The following LYRM4 variants were observed in gnomAD, a reference collection of about 807,000 sequenced individuals.
The protein encoded by LYRM4 is LYR motif-containing protein 4.
Under a neutral mutation model 11.7 loss-of-function variants are expected in LYRM4, and 9 were observed. That is an observed-to-expected ratio of 0.77 (90% CI 0.46 to 1.34). The LOEUF is 1.34. LYRM4 is among the 40% of genes most tolerant of loss of function. The pLI is 0.00. For missense variants in LYRM4, 133 were observed against 112.5 expected (o/e 1.18, Z -0.82); for synonymous variants, 42 against 40.4 (o/e 1.04, Z -0.15).
the LYRM4 span, among the ~76,000 whole-genome samples, chr6:5,047,784 C>T: frequency 8.3e-4 from 126 of 152,236 alleles, no homozygotes; most frequent in African/African-American, 2.8e-3. Context: ...AACACCAATA[C>T]GGTATTAGTG....
At chr6:5,065,174 A>T in the LYRM4 span, among the ~76,000 whole-genome samples, 1 of 151,980 alleles carries the variant, frequency 6.6e-6, no homozygotes, top group Non-Finnish European at 1.5e-5. Context: ...AGTGTTCTCC[A>T]TGTCTTTTTG....
chr6:5,150,300 C>A lies in LYRM4; in HGVS notation c.208-40809G>T, dbSNP rs529481490. Among the ~76,000 whole-genome samples, 15 of 152,322 alleles carry A rather than the reference C, an allele frequency of 9.8e-5. No homozygotes were observed. The South Asian group carries it at 2.9e-3, about 29-fold the overall frequency. On this transcript the variant is annotated intron_variant, in intron 2 of 2. Coordinates refer to ENST00000330636, the MANE Select transcript of LYRM4 (RefSeq NM_020408.6). The stretch of plus-strand genomic sequence containing the variant: ...AAACCAACCATATCTGCCCTCCTTG[C>A]AATTTTTTCTTCTTTTGGATTCTGA...
At chr6:5,132,045 G>T (rs886190759) in intron 2 of LYRM4, among the ~76,000 whole-genome samples, 6 of 152,144 alleles carry the variant, frequency 3.9e-5, no homozygotes, top group African/African-American at 1.2e-4. Context: ...AAGTTTTCAT[G>T]ATCGTACCCA....
intron 2 of LYRM4, among the ~76,000 whole-genome samples, chr6:5,156,659 T>C (rs1411137340): frequency 3.4e-5 from 5 of 147,844 alleles, no homozygotes; most frequent in Non-Finnish European, 7.4e-5. Flanking sequence ...ATTAGAATAA[T>C]GCCCTGTCTC....
chr6:5,240,064 G>A (rs1353610594), intron 1 of LYRM4, among the ~76,000 whole-genome samples: 1 of 152,118 alleles, frequency 6.6e-6, no homozygotes, highest in Non-Finnish European at 1.5e-5. Context: ...GGCAAAATAA[G>A]ACTCAAAACA....
chr6:5,071,244 C>G, the LYRM4 span, among the ~76,000 whole-genome samples: 1 of 151,966 alleles, frequency 6.6e-6, no homozygotes. Flanking sequence ...CCTATCGTTC[C>G]ATTTTCCCTC....
intron 1 of LYRM4, chr6:5,236,187 G>T (rs1763527769): frequency 6.6e-6 from 1 of 152,236 alleles, no homozygotes; most frequent in African/African-American, 2.4e-5. Context: ...GCATTAGGCT[G>T]TGTGTGGTGG....
the LYRM4 span, among the ~76,000 whole-genome samples, chr6:5,057,435 G>A: frequency 3.3e-5 from 5 of 151,654 alleles, no homozygotes; most frequent in South Asian, 6.3e-4. Context: ...CCCTCATTCC[G>A]GCTGGGCGTG....
chr6:5,082,303 C>T, the LYRM4 span, among the ~76,000 whole-genome samples: 1 of 152,118 alleles, frequency 6.6e-6, no homozygotes, highest in East Asian at 1.9e-4. Flanking sequence ...TTATTGGACA[C>T]CCTGTTGGAG....
chr6:5,134,879 T>C (rs1470377396), intron 2 of LYRM4, among the ~76,000 whole-genome samples: 1 of 152,200 alleles, frequency 6.6e-6, no homozygotes, highest in Non-Finnish European at 1.5e-5. Context: ...TCCTCTCCCT[T>C]GGTAACGGCA....
chr6:5,059,489 C>G, the LYRM4 span, among the ~76,000 whole-genome samples: 2 of 152,062 alleles, frequency 1.3e-5, no homozygotes, highest in Non-Finnish European at 2.9e-5. Flanking sequence ...TCATATCCGC[C>G]CAAGAACAGC....
chr6:5,232,268 A>T (rs1763286941), intron 1 of LYRM4, among the ~76,000 whole-genome samples: 1 of 152,240 alleles, frequency 6.6e-6, no homozygotes, highest in African/African-American at 2.4e-5. Flanking sequence ...GAACCTGGTC[A>T]TCCCTATAAC....
rs1201430913 is a variant in LYRM4, at chr6:5,245,138, ATATATATATATATATATATATATAT to A, written c.86+15485_86+15509del. ...AATATATATATATATATATATATAT[ATATATATATATATATATATATATAT>A]AAAATAGGTGAATTTCTGGAACAAA... is the stretch of plus-strand genomic sequence containing the variant. On this transcript the variant is annotated intron_variant, in intron 1 of 2. Coordinates refer to ENST00000330636, the MANE Select transcript of LYRM4 (RefSeq NM_020408.6). Among the ~76,000 whole-genome samples, 47 of 93,804 alleles carry A rather than the reference ATATATATATATATATATATATATAT, an allele frequency of 5.0e-4. 1 individual carries two copies. The highest frequency in any genetic ancestry group is 7.4e-4 in the Non-Finnish European group (34 of 45,964). 61.5% of individuals were successfully genotyped at this position (93,804 alleles called of 152,430 possible). A position where few individuals can be genotyped will look rare whatever the true frequency, so the allele number is the denominator to read the frequency against.
the LYRM4 span, among the ~76,000 whole-genome samples, chr6:5,097,127 G>A: frequency 2.0e-3 from 306 of 152,364 alleles, no homozygotes; most frequent in African/African-American, 7.2e-3. Context: ...GGAGCTGCAT[G>A]CGGTGAGGGC....
At chr6:5,053,207 G>T in the LYRM4 span, among the ~76,000 whole-genome samples, 1 of 152,114 alleles carries the variant, frequency 6.6e-6, no homozygotes, top group African/African-American at 2.4e-5. Flanking sequence ...GTTTCCACCA[G>T]AATGGGTTTT....
At chr6:5,139,567 T>G (rs753202880) in intron 2 of LYRM4, among the ~76,000 whole-genome samples, 3 of 152,232 alleles carry the variant, frequency 2.0e-5, no homozygotes, top group Non-Finnish European at 2.9e-5. Flanking sequence ...GCTGCCTCTT[T>G]ACATATTTTA....
At chr6:5,192,962 T>C (rs1489646991) in intron 2 of LYRM4, among the ~76,000 whole-genome samples, 1 of 152,110 alleles carries the variant, frequency 6.6e-6, no homozygotes, top group Non-Finnish European at 1.5e-5. Context: ...GGAGGCAGAT[T>C]GTAGTGAGCC....
At chr6:5,055,085 G>C in the LYRM4 span, among the ~76,000 whole-genome samples, 1 of 152,276 alleles carries the variant, frequency 6.6e-6, no homozygotes, top group Non-Finnish European at 1.5e-5. This position sits in a 1 kb window ranked among gnomAD's most constrained non-coding sequence, Gnocchi z 4.5. Context: ...CAAGAACCTT[G>C]GCTTAAGCTC....
chr6:5,086,401 C>G, the LYRM4 span: 1 of 1,536,312 alleles, frequency 6.5e-7, no homozygotes, highest in Non-Finnish European at 8.7e-7. Flanking sequence ...CTCGCTGTGC[C>G]TGCCCCCGGG....
Sources: allele counts gnomAD v4.1 joint callset (sites outside exome capture counted in the v4.1 genomes callset), GRCh38; gene constraint gnomAD v4.1.1; non-coding constraint Gnocchi (gnomAD v3.1); transcripts MANE v1.5; gene names NCBI Gene and HGNC (gene_info 2026-07-23, HGNC 2026-07-21).